Variants in PLAA observed in about 807,000 individuals in gnomAD.
PLAA encodes the protein phospholipase A-2-activating protein.
PLAA carries 48 observed loss-of-function variants against 84.1 expected under a neutral mutation model. That is an observed-to-expected ratio of 0.57 (90% CI 0.45 to 0.73). The LOEUF is 0.73. Ranked by LOEUF, PLAA falls within the 30% of genes least tolerant of loss-of-function variation. The probability of loss-of-function intolerance (pLI) is 0.00; values close to 1 mark genes in which losing one functional copy is unlikely to be tolerated. For missense variants in PLAA, 903 were observed against 954.7 expected (o/e 0.95, Z 0.71); for synonymous variants, 392 against 336.6 (o/e 1.16, Z -1.80).
At chr9:26,907,279 G>A (rs1269937120) in intron 13 of PLAA, among the ~76,000 whole-genome samples, 3 of 152,144 alleles carry the variant, frequency 2.0e-5, no homozygotes, top group East Asian at 1.9e-4. Flanking sequence ...GGTGGCTCAC[G>A]CCTGTAATCC....
Position 26,920,270 on chromosome 9 carries a change from C to G in PLAA, c.1154G>C (p.Gly385Ala). The change falls in exon 8 of 14, where the codon GGT becomes GCT. Residue 385 changes from glycine (G) to alanine (A), a missense_variant. Physicochemically the swap from Gly to Ala is moderately conservative, Grantham distance 60 (BLOSUM62 0). Transcript: ENST00000397292. ...TTTTCCAGATGTTTGCTGATTAGCA[C>G]CAGATGAGCCAACAACATCACCAAT... Reference protein sequence around the residue: ...IKIGDVVGSSGANQQTSGKVL... With the variant: ...IKIGDVVGSSAANQQTSGKVL... 6 of 1,613,884 alleles carry G rather than the reference C, an allele frequency of 3.7e-6. No individual in the cohort carries two copies. The highest frequency in any genetic ancestry group is 1.3e-5 in the African/African-American group (1 of 75,016).
intron 7 of PLAA, among the ~76,000 whole-genome samples, chr9:26,921,444 C>T (rs1344731015): frequency 2.0e-5 from 3 of 152,214 alleles, no homozygotes; most frequent in African/African-American, 7.2e-5. Context: ...TATGCCAGTT[C>T]TGGCCTAGTC....
At chr9:26,932,484 C>T (rs1302345761) in intron 2 of PLAA, among the ~76,000 whole-genome samples, 2 of 152,210 alleles carry the variant, frequency 1.3e-5, no homozygotes, top group African/African-American at 4.8e-5. Context: ...CATGCTCATT[C>T]ATTTATTTAC....
At chr9:26,932,211 T>TA (rs143832911) in intron 2 of PLAA, among the ~76,000 whole-genome samples, 47,284 of 152,162 alleles carry the variant, frequency 0.31, 8,736 homozygotes, top group East Asian at 0.69. Flanking sequence ...ATTCACTGGA[T>TA]GTTTTTGTTT....
intron 4 of PLAA, 67 bp from the exon 5 acceptor site, chr9:26,926,627 A>G: frequency 8.7e-7 from 1 of 1,150,290 alleles, no homozygotes; most frequent in Non-Finnish European, 1.2e-6. Context: ...TATACATTTT[A>G]CTAACATTAT....
chr9:26,907,628 T>C, intron 13 of PLAA: 1 of 520,690 alleles, frequency 1.9e-6, no homozygotes, highest in Non-Finnish European at 3.3e-6. Flanking sequence ...GGATCATATA[T>C]TACCTTCAGA....
chr9:26,932,156 T>C (rs1321721880), intron 2 of PLAA, among the ~76,000 whole-genome samples: 7 of 152,134 alleles, frequency 4.6e-5, no homozygotes, highest in Non-Finnish European at 1.0e-4. Flanking sequence ...AGAATTCAAA[T>C]GAACTGTAAA....
intron 10 of PLAA, chr9:26,916,075 G>A: frequency 1.0e-6 from 1 of 985,350 alleles, no homozygotes; most frequent in South Asian, 4.7e-5. Flanking sequence ...CAATGCACAT[G>A]GTACAACCAT....
At chr9:26,926,014 T>C in intron 5 of PLAA, 54 bp from the exon 6 acceptor site, 1 of 1,413,850 alleles carries the variant, frequency 7.1e-7, no homozygotes. Flanking sequence ...AGTACATTTA[T>C]ACATACCATC....
At chr9:26,929,128 C>T (rs1825084739) in intron 2 of PLAA, among the ~76,000 whole-genome samples, 1 of 152,036 alleles carries the variant, frequency 6.6e-6, no homozygotes, top group African/African-American at 2.4e-5. Flanking sequence ...GAGCCCAGGG[C>T]ACAGAGGTTG....
intron 11 of PLAA, among the ~76,000 whole-genome samples, chr9:26,911,034 C>G (rs1824383682): frequency 6.6e-6 from 1 of 151,992 alleles, no homozygotes; most frequent in Non-Finnish European, 1.5e-5. Flanking sequence ...CCCTGAAGGA[C>G]AGGAGTCCTA....
intron 9 of PLAA, among the ~76,000 whole-genome samples, chr9:26,918,538 C>G (rs1824649459): frequency 6.6e-6 from 1 of 151,898 alleles, no homozygotes; most frequent in Non-Finnish European, 1.5e-5. Flanking sequence ...GAGTAGCTGT[C>G]AGGGAAGAAA....
intron 1 of PLAA, among the ~76,000 whole-genome samples, chr9:26,936,848 G>A (rs1231863018): frequency 6.6e-6 from 1 of 152,120 alleles, no homozygotes; most frequent in East Asian, 1.9e-4. Flanking sequence ...GGATTTAAAA[G>A]GCTGATGCCC....
chr9:26,933,140 C>T (rs183253448), intron 2 of PLAA, among the ~76,000 whole-genome samples: 149 of 152,098 alleles, frequency 9.8e-4, no homozygotes, highest in African/African-American at 3.1e-3. Context: ...TGGTGGCGCG[C>T]GCCTGTAGTC....
chr9:26,930,002 C>T (rs1052908889), intron 2 of PLAA, among the ~76,000 whole-genome samples: 1 of 151,974 alleles, frequency 6.6e-6, no homozygotes, highest in Non-Finnish European at 1.5e-5. Context: ...CAGTCACACA[C>T]ATGTTTTTGG....
chr9:26,920,530 A>T (rs535644345), intron 7 of PLAA, 146 bp from the exon 8 acceptor site: 12 of 544,008 alleles, frequency 2.2e-5, no homozygotes, highest in African/African-American at 1.9e-4. Flanking sequence ...TAAAAGATTT[A>T]AAAATGTGGC....
In PLAA at chr9:26,905,479, C is replaced by T; in HGVS notation, c.*32G>A. On this transcript the variant is annotated 3_prime_UTR_variant, in exon 14 of 14. Transcript: ENST00000397292. The stretch of plus-strand genomic sequence containing the variant: ...CAAATGTGAGGAAAAAAACACTAAT[C>T]AATTAAAAATATCCGTCCCTCTTCC... The T allele has an allele frequency of 7.0e-7, 1 of 1,436,216 alleles. No individual in the cohort carries two copies. Among genetic ancestry groups the T allele is most frequent in the Middle Eastern group, 1.8e-4 (1 of 5,510 alleles). The allele number at this position is 1,436,216 out of a possible 1,614,324, so 89.0% of individuals were successfully genotyped here. A position where few individuals can be genotyped will look rare whatever the true frequency, so the allele number is the denominator to read the frequency against.
In PLAA at chr9:26,947,127, G is replaced by T; in HGVS notation, c.-82C>A. On this transcript the variant is annotated 5_prime_UTR_variant, in exon 1 of 14. Transcript: ENST00000397292. Reference sequence around the variant, plus strand: ...GGCGACTCGGAGAGCGCCGGGCCGCGGCGGGAGAAGAGCCTGCAGGTAAGG... The same window carrying T: ...GGCGACTCGGAGAGCGCCGGGCCGCTGCGGGAGAAGAGCCTGCAGGTAAGG... 2 of 1,385,186 alleles carry T rather than the reference G, an allele frequency of 1.4e-6. No homozygotes were observed. Among genetic ancestry groups the T allele is most frequent in the African/African-American group, 1.5e-5 (1 of 66,252 alleles). 85.8% of individuals were successfully genotyped at this position (1,385,186 alleles called of 1,614,324 possible).
Position 26,913,248 on chromosome 9 carries a change from TTAGCTC to T in PLAA, c.1555+625_1555+630del, listed in dbSNP as rs1421950957. On this transcript the variant is annotated intron_variant, in intron 11 of 13. Transcript: ENST00000397292. ...AACCTGAAAGAGATGAACCACAAAT[TTAGCTC>T]TGTGTTTTACTGGCAGCCAATACAG... is the stretch of plus-strand genomic sequence containing the variant. 7.9e-5 allele frequency among the ~76,000 whole-genome samples: 12 copies of T among 152,272 alleles called. No homozygotes were observed. The East Asian group carries it at 2.3e-3, about 29-fold the overall frequency.
Sources: allele counts gnomAD v4.1 joint callset (sites outside exome capture counted in the v4.1 genomes callset), GRCh38; gene constraint gnomAD v4.1.1; transcripts MANE v1.5; gene names NCBI Gene and HGNC (gene_info 2026-07-23, HGNC 2026-07-21).